The following KIF2A variants were observed in gnomAD, a reference collection of about 807,000 sequenced individuals.
KIF2A encodes the protein kinesin-like protein KIF2A.
KIF2A carries 22 observed loss-of-function variants against 100.2 expected under a neutral mutation model. The observed-to-expected ratio is 0.22, with a 90% CI of 0.16 to 0.31. KIF2A has a LOEUF of 0.31. Among genes scored for constraint, KIF2A ranks in the 10% least tolerant of loss-of-function variants. The pLI, the probability that KIF2A is intolerant of heterozygous loss-of-function variation, is 1.00. For missense variants in KIF2A, 495 were observed against 898.7 expected (o/e 0.55, Z 5.74); for synonymous variants, 268 against 285.9 (o/e 0.94, Z 0.63).
At chr5:62,317,493 G>C (rs940874464) in intron 1 of KIF2A, among the ~76,000 whole-genome samples, 4 of 152,196 alleles carry the variant, frequency 2.6e-5, no homozygotes, top group Non-Finnish European at 5.9e-5. Flanking sequence ...AAGTTGACTT[G>C]TCCAAGGTCA....
intron 13 of KIF2A, 81 bp from the exon 14 acceptor site, chr5:62,363,614 T>C (rs1347521508): frequency 2.4e-6 from 3 of 1,253,464 alleles, no homozygotes; most frequent in Middle Eastern, 2.0e-4. Flanking sequence ...TTTGCTGCTG[T>C]TGTTTTTAAT....
chr5:62,375,516 AG>A (rs1741499513), intron 18 of KIF2A, among the ~76,000 whole-genome samples: 1 of 152,242 alleles, frequency 6.6e-6, no homozygotes, highest in African/African-American at 2.4e-5. Context: ...ATTGAAATTT[AG>A]ATCTTATTCC....
At chr5:62,381,967 T>TAGC (rs1741791085) in intron 20 of KIF2A, among the ~76,000 whole-genome samples, 1 of 152,166 alleles carries the variant, frequency 6.6e-6, no homozygotes, top group Admixed American at 6.5e-5. Context: ...GTCTTTTTGG[T>TAGC]TTTTTAGTTA....
chr5:62,375,898 A>G (rs1741520178), intron 18 of KIF2A, among the ~76,000 whole-genome samples: 1 of 152,218 alleles, frequency 6.6e-6, no homozygotes. Flanking sequence ...CCAAGACTGG[A>G]AAAACCTGGT....
At chr5:62,339,512 G>C (rs1747162758) in intron 1 of KIF2A, among the ~76,000 whole-genome samples, 1 of 67,960 alleles carries the variant, frequency 1.5e-5, no homozygotes, top group Admixed American at 1.4e-4. Flanking sequence ...TATATATGTG[G>C]ACTCAATTAT....
chr5:62,386,516 T>C lies in KIF2A; in HGVS notation c.*947T>C, dbSNP rs1452023603. ...TGAAGTGTTCATTAGCACCCCAAAA[T>C]ATACCTTTTCTATGTACTGTTAAAA... On this transcript the variant is annotated 3_prime_UTR_variant, in exon 21 of 21. Transcript: ENST00000407818. 1.3e-5 allele frequency: 2 copies of C among 152,222 alleles called. No individual in the cohort carries two copies. Among genetic ancestry groups the C allele is most frequent in the Non-Finnish European group, 2.9e-5 (2 of 68,026 alleles). 9.4% of individuals were successfully genotyped at this position (152,222 alleles called of 1,614,324 possible).
In KIF2A at chr5:62,373,001, C is replaced by T. The variant is rs151070649; in HGVS notation, c.1760+450C>T. Among the ~76,000 whole-genome samples, 360 of 151,054 alleles carry T rather than the reference C, an allele frequency of 2.4e-3. 1 individual carries two copies. The highest frequency in any genetic ancestry group is 7.7e-3 in the African/African-American group (315 of 41,074). On this transcript the variant is annotated intron_variant, in intron 17 of 20. Coordinates refer to ENST00000407818, the MANE Select transcript of KIF2A (RefSeq NM_001098511.3). ...CCTGTAATCCCAGCACTTTGGGAGG[C>T]GGAGGCTGGTGGATCACCTGAGGTT...
Position 62,348,050 on chromosome 5 carries a change from T to G in KIF2A, c.162T>G (p.Ile54Met). Reference sequence around the variant, plus strand: ...CTATGTGTATGTGTTGTGAACAGATTGACCTGGAGAGCATCTTTTCACTTA... The same window carrying G: ...CTATGTGTATGTGTTGTGAACAGATGGACCTGGAGAGCATCTTTTCACTTA... ...IENGDTKGKEIDLESIFSLNP... is the reference protein window; with the variant it reads ...IENGDTKGKEMDLESIFSLNP... The change falls in exon 3 of 21, where the codon ATT (isoleucine) becomes ATG (methionine). Residue 54 changes from isoleucine (I) to methionine (M), a missense_variant and splice_region_variant. Around this residue, in one of 10 missense-constraint regions of KIF2A, gnomAD observed 115 missense variants for 143.6 expected, o/e 0.80. Transcript: ENST00000407818. The G allele has an allele frequency of 6.2e-7, 1 of 1,613,760 alleles. No individual in the cohort carries two copies. The highest frequency in any genetic ancestry group is 8.5e-7 in the Non-Finnish European group (1 of 1,179,718).
rs775533413 is a variant in KIF2A, at chr5:62,389,485, C to CAAAAAAAAAAAAAAAAAA, written c.*3932_*3933insAAAAAAAAAAAAAAAAAA. On this transcript the variant is annotated 3_prime_UTR_variant, in exon 21 of 21. Coordinates refer to ENST00000407818, the MANE Select transcript of KIF2A (RefSeq NM_001098511.3). ...TGGGTGACAGAGCAAGACTCTGTCT[C>CAAAAAAAAAAAAAAAAAA]AAAAAAAAAAAAAAAAGAAATGTTA... Among the ~76,000 whole-genome samples, 66 of 75,816 alleles carry CAAAAAAAAAAAAAAAAAA rather than the reference C, an allele frequency of 8.7e-4. 4 individuals are homozygous for CAAAAAAAAAAAAAAAAAA. Among genetic ancestry groups the CAAAAAAAAAAAAAAAAAA allele is most frequent in the African/African-American group, 1.8e-3 (32 of 17,502 alleles). 49.7% of individuals were successfully genotyped at this position (75,816 alleles called of 152,430 possible).
intron 18 of KIF2A, among the ~76,000 whole-genome samples, chr5:62,376,401 G>GT (rs201229170): frequency 2.1e-5 from 3 of 141,016 alleles, no homozygotes; most frequent in African/African-American, 7.8e-5. Context: ...GATCGGAGAA[G>GT]TTTTTTTTGT....
intron 7 of KIF2A, among the ~76,000 whole-genome samples, chr5:62,355,754 A>G (rs1425548362): frequency 6.6e-6 from 1 of 150,404 alleles, no homozygotes; most frequent in Non-Finnish European, 1.5e-5. Flanking sequence ...TTATTACTCA[A>G]CTCCTTTGCT....
chr5:62,328,584 G>A (rs756352734), intron 1 of KIF2A, among the ~76,000 whole-genome samples: 4 of 151,884 alleles, frequency 2.6e-5, no homozygotes, highest in Non-Finnish European at 4.4e-5. Context: ...CACTGCCTCC[G>A]GGGTTCAAGT....
chr5:62,333,921 C>A (rs1746783464), intron 1 of KIF2A, among the ~76,000 whole-genome samples: 1 of 152,118 alleles, frequency 6.6e-6, no homozygotes, highest in African/African-American at 2.4e-5. Context: ...AAAATGGACT[C>A]CAAAGTACCT....
Position 62,389,304 on chromosome 5 carries a change from GGTGAAACCCC to G in KIF2A, c.*3738_*3747del, listed in dbSNP as rs1370698803. On this transcript the variant is annotated 3_prime_UTR_variant, in exon 21 of 21. Transcript: ENST00000407818. The stretch of plus-strand genomic sequence containing the variant: ...AGTTCGAGAACAGTCTGGCCAACAT[GGTGAAACCCC>G]GTCTCTACTAAAAATACAAAAATTA... 6.6e-6 allele frequency among the ~76,000 whole-genome samples: 1 copy of G among 151,802 alleles called. No individual in the cohort carries two copies. The highest frequency in any genetic ancestry group is 1.5e-5 in the Non-Finnish European group (1 of 67,964).
intron 11 of KIF2A, among the ~76,000 whole-genome samples, chr5:62,361,973 A>G (rs1748436428): frequency 6.6e-6 from 1 of 151,762 alleles, no homozygotes; most frequent in Admixed American, 6.6e-5. Context: ...CAGAGGTTGC[A>G]GTGAGCCAAG....
rs775533413 is a variant in KIF2A, at chr5:62,389,485, C to CAAAAAAAAAAAAAAAAAAAAAAAA, written c.*3932_*3933insAAAAAAAAAAAAAAAAAAAAAAAA. On this transcript the variant is annotated 3_prime_UTR_variant, in exon 21 of 21. Transcript: ENST00000407818. ...TGGGTGACAGAGCAAGACTCTGTCT[C>CAAAAAAAAAAAAAAAAAAAAAAAA]AAAAAAAAAAAAAAAAGAAATGTTA... Among the ~76,000 whole-genome samples the CAAAAAAAAAAAAAAAAAAAAAAAA allele has an allele frequency of 1.6e-4, 12 of 75,900 alleles. No individual in the cohort carries two copies. The highest frequency in any genetic ancestry group is 6.3e-4 in the African/African-American group (11 of 17,534). 49.8% of individuals were successfully genotyped at this position (75,900 alleles called of 152,430 possible).
At chr5:62,313,299 C>G (rs772137775) in intron 1 of KIF2A, among the ~76,000 whole-genome samples, 19 of 152,154 alleles carry the variant, frequency 1.2e-4, no homozygotes, top group Non-Finnish European at 7.3e-5. Flanking sequence ...TATGCCATCT[C>G]TCCTCCTCTA....
intron 5 of KIF2A, 107 bp downstream of exon 5, chr5:62,352,817 A>G (rs1747920876): frequency 1.3e-6 from 1 of 797,406 alleles, no homozygotes; most frequent in East Asian, 3.1e-5. Context: ...TACAAGCTTG[A>G]TTGCAGATTT....
chr5:62,317,713 A>G (rs569280059), intron 1 of KIF2A, among the ~76,000 whole-genome samples: 51 of 152,286 alleles, frequency 3.3e-4, no homozygotes, highest in African/African-American at 1.2e-3. Flanking sequence ...AATCCAACTA[A>G]TATTTGCTGT....
Sources: gnomAD v4.1 joint callset for allele counts (sites outside exome capture counted in the v4.1 genomes callset) on GRCh38, gnomAD v4.1.1 for gene constraint, gnomAD v4.1.1 regional missense constraint, MANE v1.5 for transcripts, NCBI Gene and HGNC (gene_info 2026-07-23, HGNC 2026-07-21) for gene names.